The following CCSER2 variants were observed in gnomAD, a reference collection of about 807,000 sequenced individuals.
CCSER2 encodes coiled-coil serine rich protein 2, also known as serine-rich coiled-coil domain-containing protein 2.
A neutral mutation model predicts 92.3 loss-of-function variants in CCSER2; 46 were observed. The ratio of observed to expected loss-of-function variants is 0.50; its 90% CI spans 0.39 to 0.64. The LOEUF (loss-of-function observed/expected upper bound fraction) is 0.64. Among genes scored for constraint, CCSER2 ranks in the 30% least tolerant of loss-of-function variants. The pLI, the probability that CCSER2 is intolerant of heterozygous loss-of-function variation, is 0.00. For missense variants in CCSER2, 1,244 were observed against 1,238.9 expected (o/e 1.00, Z -0.06); for synonymous variants, 433 against 431.4 (o/e 1.00, Z -0.04).
intron 3 of CCSER2, among the ~76,000 whole-genome samples, chr10:84,394,285 A>G (rs1841696426): frequency 6.6e-6 from 1 of 152,176 alleles, no homozygotes; most frequent in Admixed American, 6.5e-5. Context: ...AATTAGTTCA[A>G]AATCTTGTTT....
intron 3 of CCSER2, among the ~76,000 whole-genome samples, chr10:84,382,336 A>G (rs1025030655): frequency 3.9e-5 from 6 of 152,144 alleles, no homozygotes; most frequent in African/African-American, 1.4e-4. Flanking sequence ...GATGAATTCT[A>G]GAGGAGTTGA....
chr10:84,371,980 A>C lies in CCSER2; in HGVS notation c.928A>C (p.Thr310Pro). 1 of 1,613,732 alleles carries C rather than the reference A, an allele frequency of 6.2e-7. No homozygotes were observed. The highest frequency in any genetic ancestry group is 8.5e-7 in the Non-Finnish European group (1 of 1,179,768). Residue 310 changes from threonine to proline, a missense_variant, in exon 2 of 10, where the codon ACT becomes CCT. Physicochemically the swap from Thr to Pro is conservative, Grantham distance 38 (BLOSUM62 -1). Coordinates refer to ENST00000372088, the MANE Select transcript of CCSER2 (RefSeq NM_001284240.2). ...KLALPNGPGV[T>P]STLGYRMVHP... Reference sequence around the variant, plus strand: ...GGCTTTACCAAATGGCCCAGGTGTAACTTCTACTTTAGGTTATAGAATGGT... The same window carrying C: ...GGCTTTACCAAATGGCCCAGGTGTACCTTCTACTTTAGGTTATAGAATGGT...
chr10:84,340,715 T>C (rs2133011271), intron 1 of CCSER2, among the ~76,000 whole-genome samples: 1 of 152,176 alleles, frequency 6.6e-6, no homozygotes, highest in African/African-American at 2.4e-5. Context: ...CTAAACTTGA[T>C]CCCCCTCTTG....
intron 1 of CCSER2, among the ~76,000 whole-genome samples, chr10:84,370,195 C>A (rs145303581): frequency 4.8e-4 from 73 of 152,226 alleles, no homozygotes; most frequent in African/African-American, 1.7e-3. Flanking sequence ...ATACAAATTG[C>A]ATTGAATCTG....
intron 1 of CCSER2, among the ~76,000 whole-genome samples, chr10:84,348,284 C>G (rs571161730): frequency 2.2e-4 from 34 of 152,354 alleles, no homozygotes; most frequent in African/African-American, 7.5e-4. Context: ...AACCCCGTCT[C>G]CACCAAAAAA....
intron 1 of CCSER2, among the ~76,000 whole-genome samples, chr10:84,362,578 G>A (rs1044488917): frequency 6.6e-6 from 1 of 152,098 alleles, no homozygotes; most frequent in Non-Finnish European, 1.5e-5. Flanking sequence ...CTTATTTAAT[G>A]TTCTTAAACC....
At chr10:84,413,202 G>A (rs1456031804) in intron 3 of CCSER2, among the ~76,000 whole-genome samples, 1 of 151,304 alleles carries the variant, frequency 6.6e-6, no homozygotes, top group Non-Finnish European at 1.5e-5. Context: ...TTTGGGGTTG[G>A]TTTGCTCTTG....
At chr10:84,401,980 A>C (rs924906952) in intron 3 of CCSER2, among the ~76,000 whole-genome samples, 3 of 152,210 alleles carry the variant, frequency 2.0e-5, no homozygotes, top group Non-Finnish European at 2.9e-5. Context: ...CACAGCTTGC[A>C]TTAAATGGAC....
At chr10:84,415,399 A>G (rs1233627727) in intron 3 of CCSER2, among the ~76,000 whole-genome samples, 1 of 151,948 alleles carries the variant, frequency 6.6e-6, no homozygotes, top group East Asian at 1.9e-4. Flanking sequence ...CAGTCACGCT[A>G]CTCCTCCAAA....
intron 3 of CCSER2, among the ~76,000 whole-genome samples, chr10:84,404,218 C>T (rs1289298071): frequency 6.6e-6 from 1 of 152,204 alleles, no homozygotes; most frequent in East Asian, 1.9e-4. Context: ...GGCTCCATGC[C>T]TTGATCCTCA....
At chr10:84,408,758 T>G (rs1842498949) in intron 3 of CCSER2, among the ~76,000 whole-genome samples, 1 of 152,180 alleles carries the variant, frequency 6.6e-6, no homozygotes, top group Non-Finnish European at 1.5e-5. Flanking sequence ...ACTATATTGC[T>G]TTGGATTCTT....
At chr10:84,347,456 G>A (rs1389684879) in intron 1 of CCSER2, among the ~76,000 whole-genome samples, 1 of 149,756 alleles carries the variant, frequency 6.7e-6, no homozygotes, top group African/African-American at 2.5e-5. Context: ...GCCGGGCGGG[G>A]GCTGACCCCC....
intron 8 of CCSER2, among the ~76,000 whole-genome samples, chr10:84,473,953 A>G (rs1055194740): frequency 2.0e-5 from 3 of 152,140 alleles, no homozygotes; most frequent in East Asian, 1.9e-4. Flanking sequence ...TTTGCATGCA[A>G]ACCTTCATAA....
intron 9 of CCSER2, among the ~76,000 whole-genome samples, chr10:84,503,007 G>A (rs917336548): frequency 2.0e-5 from 3 of 152,028 alleles, no homozygotes; most frequent in African/African-American, 7.2e-5. Flanking sequence ...GGCGGATCAC[G>A]AGGTCAGGAG....
At chr10:84,409,377 C>T (rs1342630078) in intron 3 of CCSER2, among the ~76,000 whole-genome samples, 11 of 151,508 alleles carry the variant, frequency 7.3e-5, no homozygotes, top group South Asian at 2.1e-4. Context: ...TTGGCTCAAG[C>T]GATCCTCCTG....
At chr10:84,448,839 T>C (rs1017091566) in intron 6 of CCSER2, among the ~76,000 whole-genome samples, 4 of 152,208 alleles carry the variant, frequency 2.6e-5, no homozygotes, top group Non-Finnish European at 5.9e-5. Context: ...TTGTGTACTC[T>C]TTTTGTTTCT....
chr10:84,405,710 T>A (rs1286702010), intron 3 of CCSER2, among the ~76,000 whole-genome samples: 1 of 152,210 alleles, frequency 6.6e-6, no homozygotes, highest in South Asian at 2.1e-4. Flanking sequence ...TAAAAGTGTG[T>A]TCAACATCAT....
intron 3 of CCSER2, chr10:84,391,895 C>A: frequency 7.3e-7 from 1 of 1,368,200 alleles, no homozygotes; most frequent in Non-Finnish European, 1.0e-6. Context: ...GCTGTTGCAT[C>A]ATGGATTAAC....
intron 7 of CCSER2, among the ~76,000 whole-genome samples, chr10:84,470,149 A>C (rs1846700102): frequency 6.6e-6 from 1 of 151,622 alleles, no homozygotes; most frequent in Admixed American, 6.6e-5. Context: ...TTAGTTTTTA[A>C]CATCTAATAA....
Sources: gnomAD v4.1 joint callset for allele counts (sites outside exome capture counted in the v4.1 genomes callset) on GRCh38, gnomAD v4.1.1 for gene constraint, MANE v1.5 for transcripts, NCBI Gene and HGNC (gene_info 2026-07-23, HGNC 2026-07-21) for gene names.